Variants in ZFP90 observed in about 807,000 individuals in gnomAD.
ZFP90 encodes the protein zinc finger protein 90 homolog.
In ZFP90, 38 loss-of-function variants were observed where a neutral mutation model predicts 60.8. The observed-to-expected ratio is 0.62, with a 90% CI of 0.48 to 0.82. The LOEUF (loss-of-function observed/expected upper bound fraction) is 0.82. Among genes scored for constraint, ZFP90 ranks in the 40% least tolerant of loss-of-function variants. The pLI is 0.00. For missense variants in ZFP90, 711 were observed against 759.1 expected (o/e 0.94, Z 0.74); for synonymous variants, 287 against 264.8 (o/e 1.08, Z -0.82).
intron 2 of ZFP90, chr16:68,557,118 G>A: frequency 2.2e-6 from 1 of 448,746 alleles, no homozygotes. Flanking sequence ...CTCCTGAGTA[G>A]CTGGGACTGT....
chr16:68,561,358 T>A (rs758050522), intron 4 of ZFP90, among the ~76,000 whole-genome samples: 3 of 152,266 alleles, frequency 2.0e-5, no homozygotes, highest in Non-Finnish European at 4.4e-5. Flanking sequence ...CTTCTCTTAA[T>A]ATTCTCTGTA....
At chr16:68,550,509 C>T (rs1330243933) in intron 2 of ZFP90, among the ~76,000 whole-genome samples, 14 of 152,198 alleles carry the variant, frequency 9.2e-5, no homozygotes. Context: ...CCTCAGCCTC[C>T]CAAAGTGCTG....
chr16:68,555,921 C>T (rs1268042471), intron 2 of ZFP90, among the ~76,000 whole-genome samples: 9 of 152,250 alleles, frequency 5.9e-5, no homozygotes, highest in Non-Finnish European at 1.3e-4. Context: ...CCTTCCCTCA[C>T]TGCTCCAGCT....
At chr16:68,543,493 A>G (rs943828958) in intron 2 of ZFP90, among the ~76,000 whole-genome samples, 1 of 152,110 alleles carries the variant, frequency 6.6e-6, no homozygotes, top group African/African-American at 2.4e-5. Context: ...TTACGTAGAT[A>G]TAGCTGTGTA....
At chr16:68,555,432 G>A (rs796117231) in intron 2 of ZFP90, among the ~76,000 whole-genome samples, 9 of 152,266 alleles carry the variant, frequency 5.9e-5, no homozygotes, top group African/African-American at 2.2e-4. Context: ...CCAGTATGGT[G>A]TGTGGATGTG....
intron 2 of ZFP90, chr16:68,575,703 T>C (rs953153842): frequency 2.5e-6 from 1 of 397,416 alleles, no homozygotes. Context: ...ATCCGGTCTG[T>C]GGATTTACCG....
In ZFP90 at chr16:68,563,989, G is replaced by T. The variant is rs1375068211; in HGVS notation, c.1202G>T (p.Arg401Met). ...CCTTTTGAATGTAGCATATGTGGGA[G>T]GGCTTTTGGTCAGAGCCCATCCCTT... ...EKPFECSICG[R>M]AFGQSPSLYK... Residue 401 changes from arginine to methionine, a missense_variant, in exon 5 of 5, where the codon AGG becomes ATG. This residue lies in a region of ZFP90 where 146 missense variants were observed against 201.4 expected (regional missense o/e 0.73). Transcript: ENST00000563169. The T allele has an allele frequency of 3.7e-6, 6 of 1,613,760 alleles. No homozygotes were observed. In the East Asian group the frequency reaches 1.3e-4, roughly 36 times the overall value.
In ZFP90 at chr16:68,534,228, TC is replaced by T. The variant is rs1311828467; in HGVS notation, c.-36+374del. Among the ~76,000 whole-genome samples the T allele has an allele frequency of 2.3e-3, 40 of 17,656 alleles. No homozygotes were observed. In the East Asian group the frequency reaches 0.035, roughly 15 times the overall value. 11.6% of individuals were successfully genotyped at this position (17,656 alleles called of 152,430 possible). A position where few individuals can be genotyped will look rare whatever the true frequency, so the allele number is the denominator to read the frequency against. On this transcript the variant is annotated intron_variant, in intron 2 of 3. Transcript: ENST00000569109. Reference sequence around the variant, plus strand: ...ACATTTTTAACTTAAAGATTTTCTTTCTTTCTTTTTTTTTTTTTGAGACAGC... The same window carrying T: ...ACATTTTTAACTTAAAGATTTTCTTTTTTCTTTTTTTTTTTTTGAGACAGC...
chr16:68,564,098 C>T lies in ZFP90; in HGVS notation c.1311C>T (p.Leu437=), dbSNP rs757075976. Residue 437 remains leucine (L), a synonymous_variant, in exon 5 of 5, where the codon CTC becomes CTT. Coordinates refer to ENST00000563169, the MANE Select transcript of ZFP90 (RefSeq NM_001305203.2). ...TAGATTTCAAGCACAGCACATCTCT[C>T]ACTCAAGATGAAAGCACTCTTACCG... is the stretch of plus-strand genomic sequence containing the variant. ...YSIDFKHSTS[L]TQDESTLTEV... The T allele has an allele frequency of 1.9e-6, 3 of 1,614,132 alleles. No individual in the cohort carries two copies. Among genetic ancestry groups the T allele is most frequent in the Admixed American group, 1.7e-5 (1 of 60,020 alleles).
chr16:68,542,184 A>G lies in ZFP90; in HGVS notation c.33+2359A>G, dbSNP rs986971314. Among the ~76,000 whole-genome samples, 9 of 152,288 alleles carry G rather than the reference A, an allele frequency of 5.9e-5. No individual in the cohort carries two copies. In the South Asian group the frequency reaches 1.9e-3, roughly 32 times the overall value. ...ACAGTCTCCTGCAGAAGTAGAGCGCAAGAGAGCTGGTGTCAAGTGTTGTTG... is the reference window on the plus strand; with the variant it reads ...ACAGTCTCCTGCAGAAGTAGAGCGCGAGAGAGCTGGTGTCAAGTGTTGTTG... On this transcript the variant is annotated intron_variant, in intron 2 of 4. Coordinates refer to ENST00000563169, the MANE Select transcript of ZFP90 (RefSeq NM_001305203.2).
chr16:68,551,723 A>G (rs1462292116), intron 2 of ZFP90, among the ~76,000 whole-genome samples: 1 of 145,440 alleles, frequency 6.9e-6, no homozygotes, highest in Non-Finnish European at 1.5e-5. Context: ...AACATGTGAT[A>G]CTTCTTAATA....
In ZFP90 at chr16:68,565,316, A is replaced by AAGGTT; in HGVS notation, c.*620_*624dup. 1 of 985,560 alleles carries AAGGTT rather than the reference A, an allele frequency of 1.0e-6. No homozygotes were observed. The highest frequency in any genetic ancestry group is 1.2e-6 in the Non-Finnish European group (1 of 829,942). 61.1% of individuals were successfully genotyped at this position (985,560 alleles called of 1,614,324 possible). A position where few individuals can be genotyped will look rare whatever the true frequency, so the allele number is the denominator to read the frequency against. On this transcript the variant is annotated 3_prime_UTR_variant, in exon 5 of 5. Coordinates refer to ENST00000563169, the MANE Select transcript of ZFP90 (RefSeq NM_001305203.2). Reference sequence around the variant, plus strand: ...GGGGCCCCATGGCCTTGCCAGTGAAAAGGTTATTTTTGGACTCAGAGGGCT... The same window carrying AAGGTT: ...GGGGCCCCATGGCCTTGCCAGTGAAAAGGTTAGGTTATTTTTGGACTCAGAGGGCT...
chr16:68,569,198 A>G (rs1358284676), downstream of ZFP90, among the ~76,000 whole-genome samples: 1 of 134,056 alleles, frequency 7.5e-6, no homozygotes, highest in East Asian at 2.3e-4. Flanking sequence ...GTGCAGTGGC[A>G]TGATCTCAAC....
Position 68,565,295 on chromosome 16 carries a change from C to A in ZFP90, c.*597C>A, listed in dbSNP as rs1236425047. Reference sequence around the variant, plus strand: ...AAATGCAGGTTTCCTGGATTTGGGGCCCCATGGCCTTGCCAGTGAAAAGGT... The same window carrying A: ...AAATGCAGGTTTCCTGGATTTGGGGACCCATGGCCTTGCCAGTGAAAAGGT... On this transcript the variant is annotated 3_prime_UTR_variant, in exon 5 of 5. Transcript: ENST00000563169. 3 of 985,536 alleles carry A rather than the reference C, an allele frequency of 3.0e-6. No homozygotes were observed. The South Asian group carries it at 1.4e-4, about 46-fold the overall frequency. The allele number at this position is 985,536 out of a possible 1,614,324, so 61.0% of individuals were successfully genotyped here.
intron 2 of ZFP90, among the ~76,000 whole-genome samples, chr16:68,547,823 A>T (rs575662879): frequency 2.1e-5 from 3 of 139,622 alleles, no homozygotes; most frequent in Non-Finnish European, 4.5e-5. Context: ...TTTTCAAAAT[A>T]CAGTTGATCT....
At chr16:68,538,565 G>T (rs920201405), upstream of ZFP90, among the ~76,000 whole-genome samples, 2 of 152,154 alleles carry the variant, frequency 1.3e-5, no homozygotes, top group African/African-American at 4.8e-5. Flanking sequence ...GACGGGCCTG[G>T]TGACGCATCG....
intron 4 of ZFP90, among the ~76,000 whole-genome samples, chr16:68,559,655 C>T (rs2091405855): frequency 6.6e-6 from 1 of 151,526 alleles, no homozygotes; most frequent in Admixed American, 6.6e-5. Flanking sequence ...GCAGTCTCTG[C>T]CTCCCGGGCT....
chr16:68,569,811 A>G (rs763088389), downstream of ZFP90, among the ~76,000 whole-genome samples: 2 of 152,172 alleles, frequency 1.3e-5, no homozygotes, highest in African/African-American at 2.4e-5. Context: ...GAATCAGAAG[A>G]TAATTCCTCT....
At chr16:68,562,139 T>A (rs975980016) in intron 4 of ZFP90, 10 of 152,214 alleles carry the variant, frequency 6.6e-5, no homozygotes, top group African/African-American at 2.4e-4. Context: ...TTAACTAGAA[T>A]TCAATTTTTT....
Sources: allele counts gnomAD v4.1 joint callset (sites outside exome capture counted in the v4.1 genomes callset), GRCh38; gene constraint gnomAD v4.1.1; regional missense constraint gnomAD v4.1.1; transcripts MANE v1.5; gene names NCBI Gene and HGNC (gene_info 2026-07-23, HGNC 2026-07-21).